Variants in CC2D2A observed in about 807,000 individuals in gnomAD.
The protein encoded by CC2D2A is coiled-coil and C2 domain-containing protein 2A.
CC2D2A carries 155 observed loss-of-function variants against 212.9 expected under a neutral mutation model. The ratio of observed to expected loss-of-function variants is 0.73; its 90% CI spans 0.64 to 0.83. The LOEUF (loss-of-function observed/expected upper bound fraction) is 0.83. Ranked by LOEUF, CC2D2A falls within the 40% of genes least tolerant of loss-of-function variation. The pLI, the probability that CC2D2A is intolerant of heterozygous loss-of-function variation, is 0.00. For synonymous variants in CC2D2A, 667 were observed against 686.5 expected, an observed-to-expected ratio of 0.97 and a Z score of 0.44; for missense variants, 1,856 against 1,956.2, an observed-to-expected ratio of 0.95 and a Z score of 0.97.
intron 8 of CC2D2A, 86 bp from the exon 9 acceptor site, chr4:15,514,619 TAA>T: frequency 1.0e-6 from 1 of 1,001,320 alleles, no homozygotes; most frequent in East Asian, 2.6e-5. Context: ...TAGGAAATGT[TAA>T]GTTTCATGAG....
In CC2D2A at chr4:15,583,724, C is replaced by G. The variant is rs530438618; in HGVS notation, c.3976-2433C>G. 2.3e-3 allele frequency among the ~76,000 whole-genome samples: 351 copies of G among 152,032 alleles called. 2 individuals are homozygous for G. Among genetic ancestry groups the G allele is most frequent in the African/African-American group, 8.1e-3 (336 of 41,478 alleles). Reference sequence around the variant, plus strand: ...CAGCACTTTGGGAGGCCGAGGCGGGCGGATCACGAGGTCAGGAGATCTAGA... The same window carrying G: ...CAGCACTTTGGGAGGCCGAGGCGGGGGGATCACGAGGTCAGGAGATCTAGA... On this transcript the variant is annotated intron_variant, in intron 30 of 36. Coordinates refer to ENST00000424120, the MANE Select transcript of CC2D2A (RefSeq NM_001378615.1).
Position 15,601,222 on chromosome 4 carries a change from G to GT in CC2D2A, c.4675-9dup. 3.7e-6 allele frequency: 6 copies of GT among 1,603,170 alleles called. No homozygotes were observed. The highest frequency in any genetic ancestry group is 1.7e-4 in the Middle Eastern group (1 of 6,016). On this transcript the variant is annotated splice_polypyrimidine_tract_variant and intron_variant, in intron 36 of 36. Transcript: ENST00000424120. ...TCAAACTTCACTAATGACTACAAAT[G>GT]TTTTTTCCCTTCAGTTCTCTGGATT...
chr4:15,500,107 G>GTGTGTGTGTATATATATATATATA (rs1479141284), intron 4 of CC2D2A, among the ~76,000 whole-genome samples: 4 of 112,926 alleles, frequency 3.5e-5, no homozygotes, highest in Non-Finnish European at 7.0e-5. Flanking sequence ...GTGTGTGTGT[G>GTGTGTGTGTATATATATATATATA]TATATATATA....
chr4:15,567,276 C>T (rs934218165), intron 24 of CC2D2A, 101 bp from the exon 25 acceptor site: 31 of 875,694 alleles, frequency 3.5e-5, no homozygotes, highest in Non-Finnish European at 4.3e-5. Flanking sequence ...TCAGCTTGGG[C>T]GACAGAGTGA....
Position 15,570,510 on chromosome 4 carries a change from G to T in CC2D2A, c.3594+14G>T. ...TTCCAAGCAAGGGTAAGTATCTAAA[G>T]TTAGAGGTCCATGAGAGCAGGGAAT... On this transcript the variant is annotated intron_variant, in intron 28 of 36. Coordinates refer to ENST00000424120, the MANE Select transcript of CC2D2A (RefSeq NM_001378615.1). 4 of 1,535,262 alleles carry T rather than the reference G, an allele frequency of 2.6e-6. No individual in the cohort carries two copies. The highest frequency in any genetic ancestry group is 3.6e-6 in the Non-Finnish European group (4 of 1,115,588).
At chr4:15,536,808 A>G in intron 14 of CC2D2A, 112 bp from the exon 15 acceptor site, 2 of 993,658 alleles carry the variant, frequency 2.0e-6, no homozygotes, top group Non-Finnish European at 3.0e-6. Flanking sequence ...CATGTGCGAC[A>G]TTTTTAGAAG....
intron 19 of CC2D2A, among the ~76,000 whole-genome samples, chr4:15,554,842 G>C (rs1719198093): frequency 6.6e-6 from 1 of 152,232 alleles, no homozygotes; most frequent in Non-Finnish European, 1.5e-5. Context: ...ACTGGACAGA[G>C]TTGTAGGAAT....
At chr4:15,600,913 A>AC (rs1553845789) in intron 36 of CC2D2A, among the ~76,000 whole-genome samples, 1 of 147,324 alleles carries the variant, frequency 6.8e-6, no homozygotes, top group Non-Finnish European at 1.5e-5. Flanking sequence ...CAAAAAAAAA[A>AC]AAAAAAAAGA....
At chr4:15,583,251 A>T (rs80321749) in intron 30 of CC2D2A, among the ~76,000 whole-genome samples, 2 of 152,346 alleles carry the variant, frequency 1.3e-5, no homozygotes, top group East Asian at 3.9e-4. Flanking sequence ...TGAAAAGTTG[A>T]AAAGTTTTCC....
chr4:15,525,098 G>A (rs1717435653), intron 11 of CC2D2A, among the ~76,000 whole-genome samples: 1 of 152,200 alleles, frequency 6.6e-6, no homozygotes, highest in South Asian at 2.1e-4. Flanking sequence ...CTTGAGCTGA[G>A]TCTAAGGCAG....
chr4:15,531,291 C>G (rs1439746381), intron 13 of CC2D2A, among the ~76,000 whole-genome samples: 1 of 152,126 alleles, frequency 6.6e-6, no homozygotes, highest in Non-Finnish European at 1.5e-5. Context: ...ACGCAGACAC[C>G]ATCCCCACGC....
intron 1 of CC2D2A, among the ~76,000 whole-genome samples, chr4:15,471,641 A>C (rs1713830066): frequency 6.6e-6 from 1 of 151,984 alleles, no homozygotes; most frequent in African/African-American, 2.4e-5. Context: ...AAAAAAAAAA[A>C]ACGTGTCTCA....
At chr4:15,562,681 A>G (rs1478403300) in intron 23 of CC2D2A, among the ~76,000 whole-genome samples, 1 of 152,210 alleles carries the variant, frequency 6.6e-6, no homozygotes, top group African/African-American at 2.4e-5. Flanking sequence ...CCCTTCAACA[A>G]TCCAAAGAAG....
chr4:15,594,590 G>A (rs900547347), intron 33 of CC2D2A, among the ~76,000 whole-genome samples: 1 of 152,076 alleles, frequency 6.6e-6, no homozygotes. Context: ...AGCCTCTTAA[G>A]GGTAGGCTCA....
intron 17 of CC2D2A, chr4:15,550,622 G>T: frequency 2.6e-6 from 1 of 388,804 alleles, no homozygotes. Context: ...AGAAAGCTGG[G>T]TGTCAACAAC....
At chr4:15,474,797 G>A (rs1262080661) in intron 1 of CC2D2A, among the ~76,000 whole-genome samples, 2 of 152,172 alleles carry the variant, frequency 1.3e-5, no homozygotes, top group African/African-American at 4.8e-5. Context: ...TGAGGGCCGA[G>A]AACTGATCAC....
chr4:15,518,293 G>T (rs769314577), intron 11 of CC2D2A, among the ~76,000 whole-genome samples: 18 of 152,156 alleles, frequency 1.2e-4, no homozygotes, highest in African/African-American at 1.7e-4. Flanking sequence ...TACAATGGAG[G>T]TATAGGTATT....
chr4:15,576,793 T>C (rs1720434780), intron 29 of CC2D2A, among the ~76,000 whole-genome samples: 1 of 152,268 alleles, frequency 6.6e-6, no homozygotes, highest in South Asian at 2.1e-4. Context: ...TCCTGCCTTA[T>C]CTTTTGGCCC....
rs375633207 is a variant in CC2D2A at position 15,533,279 on chromosome 4, C to A, written c.1553C>A (p.Ser518Tyr). Residue 518 changes from serine to tyrosine, a missense_variant, in exon 14 of 37, where the codon TCC becomes TAC. Ser to Tyr is a moderately radical substitution (Grantham distance 144, BLOSUM62 -2). Coordinates refer to ENST00000424120, the MANE Select transcript of CC2D2A (RefSeq NM_001378615.1). ...TIIKVWKEMK[S>Y]LREFQRFTNT... Reference sequence around the variant, plus strand: ...ATAAAAGTTTGGAAAGAGATGAAATCCCTTCGAGAGTTCCAGAGATTTACA... The same window carrying A: ...ATAAAAGTTTGGAAAGAGATGAAATACCTTCGAGAGTTCCAGAGATTTACA... 14 of 1,597,180 alleles carry A rather than the reference C, an allele frequency of 8.8e-6. No individual in the cohort carries two copies. In the African/African-American group the frequency reaches 1.2e-4, roughly 14 times the overall value.
Sources: gnomAD v4.1 joint callset for allele counts (sites outside exome capture counted in the v4.1 genomes callset) on GRCh38, gnomAD v4.1.1 for gene constraint, MANE v1.5 for transcripts, NCBI Gene and HGNC (gene_info 2026-07-23, HGNC 2026-07-21) for gene names.